The following WDHD1 variants were observed in gnomAD, a reference collection of about 807,000 sequenced individuals.
WDHD1 encodes the protein WD repeat and HMG-box DNA-binding protein 1.
In WDHD1, 111 loss-of-function variants were observed where a neutral mutation model predicts 135.4. The ratio of observed to expected loss-of-function variants is 0.82; its 90% CI spans 0.70 to 0.96. The LOEUF (loss-of-function observed/expected upper bound fraction) is 0.96, where lower values mean the gene tolerates loss of function less well. WDHD1 is among the 40% of genes least tolerant of loss of function. The pLI is 0.00. For missense variants in WDHD1, 1,351 were observed against 1,336.3 expected, an observed-to-expected ratio of 1.01 and a Z score of -0.17; for synonymous variants, 434 against 439.0, an observed-to-expected ratio of 0.99 and a Z score of 0.14.
At chr14:54,981,494 ATACT>A in intron 16 of WDHD1, 42 bp downstream of exon 16, 1 of 1,578,902 alleles carries the variant, frequency 6.3e-7, no homozygotes, top group South Asian at 1.2e-5. Flanking sequence ...GAATTTCAAC[ATACT>A]TTTTAAAAAG....
intron 3 of WDHD1, among the ~76,000 whole-genome samples, chr14:55,011,821 A>C (rs983605020): frequency 3.3e-5 from 5 of 152,052 alleles, no homozygotes; most frequent in African/African-American, 1.2e-4. Flanking sequence ...ATAGTATTCC[A>C]TTATATGGCT....
At chr14:54,941,797 A>C in intron 25 of WDHD1, 107 bp from the exon 26 acceptor site, 1 of 962,084 alleles carries the variant, frequency 1.0e-6, no homozygotes. Flanking sequence ...ATAAAGCAGA[A>C]TAATTAGCAC....
At chr14:55,014,524 ATGTT>A in intron 2 of WDHD1, among the ~76,000 whole-genome samples, 1 of 152,286 alleles carries the variant, frequency 6.6e-6, no homozygotes, top group Admixed American at 6.5e-5. Context: ...ACCTTAATAA[ATGTT>A]TGTTGAATTA....
chr14:55,019,035 AAAAAG>A (rs1179812325), intron 2 of WDHD1, among the ~76,000 whole-genome samples: 44 of 152,248 alleles, frequency 2.9e-4, no homozygotes. Context: ...AACAAATAAA[AAAAAG>A]AAAAGAATTG....
intron 25 of WDHD1, among the ~76,000 whole-genome samples, chr14:54,942,463 T>C (rs1416500923): frequency 6.6e-6 from 1 of 152,042 alleles, no homozygotes; most frequent in African/African-American, 2.4e-5. Context: ...TTACTTCTAC[T>C]CATTTGAGCG....
intron 24 of WDHD1, among the ~76,000 whole-genome samples, chr14:54,948,537 G>A (rs1169869213): frequency 6.6e-6 from 1 of 152,238 alleles, no homozygotes; most frequent in African/African-American, 2.4e-5. Flanking sequence ...TGAAGCTCAA[G>A]GAGTCCTGCC....
At chr14:54,994,316 C>CA (rs2041842187) in intron 11 of WDHD1, among the ~76,000 whole-genome samples, 1 of 152,052 alleles carries the variant, frequency 6.6e-6, no homozygotes, top group Non-Finnish European at 1.5e-5. Flanking sequence ...TTTATGGGCA[C>CA]AAAGTTATTC....
intron 2 of WDHD1, among the ~76,000 whole-genome samples, chr14:55,014,753 T>C (rs1034601968): frequency 6.6e-6 from 1 of 151,584 alleles, no homozygotes; most frequent in Non-Finnish European, 1.5e-5. Flanking sequence ...AAAAAATCTA[T>C]ATAAAGAGCT....
In WDHD1 at chr14:54,960,400, C is replaced by A. The variant is rs982460583; in HGVS notation, c.2701+2098G>T. 3.3e-5 allele frequency among the ~76,000 whole-genome samples: 5 copies of A among 152,066 alleles called. No individual in the cohort carries two copies. In the East Asian group the frequency reaches 9.7e-4, roughly 29 times the overall value. ...CTTCAGGATGCTCTCAATCTCCTGA[C>A]CTCGTGATCCACCCTCCTCAGCCTC... On this transcript the variant is annotated intron_variant, in intron 21 of 25. Coordinates refer to ENST00000360586, the MANE Select transcript of WDHD1 (RefSeq NM_007086.4).
Position 55,010,338 on chromosome 14 carries a change from C to T in WDHD1, c.312G>A (p.Gly104=). 1.2e-6 allele frequency: 2 copies of T among 1,607,392 alleles called. No homozygotes were observed. The highest frequency in any genetic ancestry group is 2.2e-5 in the South Asian group (2 of 89,260). The change falls in exon 4 of 26, where the codon GGG becomes GGA. Residue 104 remains glycine (G), a synonymous_variant. Coordinates refer to ENST00000360586, the MANE Select transcript of WDHD1 (RefSeq NM_007086.4). The stretch of plus-strand genomic sequence containing the variant: ...ATCCAGCAGCAATTTTAGTACCATC[C>T]CCATTAAAGACCACATGGTTTGCAT... ...TTNANHVVFN[G]DGTKIAAGSS...
At chr14:55,000,367 T>C (rs1003147213) in intron 10 of WDHD1, 136 bp downstream of exon 10, 4 of 903,336 alleles carry the variant, frequency 4.4e-6, no homozygotes, top group South Asian at 4.7e-5. Context: ...TTTCTTACTA[T>C]AGATTACTAC....
At chr14:54,945,269 C>T (rs1195534186) in intron 24 of WDHD1, among the ~76,000 whole-genome samples, 1 of 152,200 alleles carries the variant, frequency 6.6e-6, no homozygotes, top group East Asian at 1.9e-4. Context: ...AGATTCCACT[C>T]ACAATACAAA....
In WDHD1 at chr14:54,957,586, G is replaced by C; in HGVS notation, c.2745+6C>G. On this transcript the variant is annotated splice_donor_region_variant and intron_variant, in intron 22 of 25. Coordinates refer to ENST00000360586, the MANE Select transcript of WDHD1 (RefSeq NM_007086.4). ...ATAATATAAAACATCACTTGGAAGAGTTTACCTTAAAGGGATTTACTCGTC... is the reference window on the plus strand; with the variant it reads ...ATAATATAAAACATCACTTGGAAGACTTTACCTTAAAGGGATTTACTCGTC... 1 of 1,595,454 alleles carries C rather than the reference G, an allele frequency of 6.3e-7. No individual in the cohort carries two copies.
chr14:54,959,106 T>G (rs1595066910), intron 21 of WDHD1, among the ~76,000 whole-genome samples: 1 of 152,018 alleles, frequency 6.6e-6, no homozygotes, highest in Non-Finnish European at 1.5e-5. Context: ...CATGGTGGCT[T>G]AAGCCTGTAA....
intron 2 of WDHD1, among the ~76,000 whole-genome samples, chr14:55,026,275 T>C (rs975548056): frequency 1.3e-5 from 2 of 152,026 alleles, no homozygotes; most frequent in East Asian, 1.9e-4. Context: ...GAAAATATTA[T>C]AGTTTAGGAA....
chr14:54,962,043 G>A (rs2041260724), intron 21 of WDHD1, among the ~76,000 whole-genome samples: 1 of 152,064 alleles, frequency 6.6e-6, no homozygotes, highest in Admixed American at 6.6e-5. Context: ...CACCGTGTTG[G>A]CCAGGCTAGT....
intron 10 of WDHD1, among the ~76,000 whole-genome samples, chr14:54,998,204 C>T (rs2041917571): frequency 1.6e-5 from 2 of 121,458 alleles, no homozygotes; most frequent in Non-Finnish European, 3.3e-5. Flanking sequence ...GACTTTGCCT[C>T]AAAGAAAAAA....
At chr14:54,946,697 A>G (rs961567242) in intron 24 of WDHD1, among the ~76,000 whole-genome samples, 4 of 152,180 alleles carry the variant, frequency 2.6e-5, no homozygotes, top group African/African-American at 9.7e-5. Flanking sequence ...TACATTGCCC[A>G]GGCTGGTTCC....
At chr14:54,989,353 ATCTC>A in intron 12 of WDHD1, 141 bp from the exon 13 acceptor site, 1 of 560,022 alleles carries the variant, frequency 1.8e-6, no homozygotes, top group Non-Finnish European at 3.0e-6. Flanking sequence ...CATCTCATCT[ATCTC>A]TAAATAGTTT....
Sources: allele counts gnomAD v4.1 joint callset (sites outside exome capture counted in the v4.1 genomes callset), GRCh38; gene constraint gnomAD v4.1.1; transcripts MANE v1.5; gene names NCBI Gene and HGNC (gene_info 2026-07-23, HGNC 2026-07-21).